The following CCDC60 variants were observed in gnomAD, a reference collection of about 807,000 sequenced individuals.
CCDC60 encodes coiled-coil domain containing 60.
CCDC60 carries 54 observed loss-of-function variants against 63.5 expected under a neutral mutation model. The observed-to-expected ratio is 0.85, with a 90% CI of 0.68 to 1.07. The LOEUF (loss-of-function observed/expected upper bound fraction) is 1.07, where lower values mean the gene tolerates loss of function less well. Among genes scored for constraint, CCDC60 ranks in the 50% least tolerant of loss-of-function variants. The probability of loss-of-function intolerance (pLI) is 0.00; values close to 1 mark genes in which losing one functional copy is unlikely to be tolerated. For missense variants in CCDC60, 651 were observed against 684.3 expected (o/e 0.95, Z 0.54); for synonymous variants, 206 against 238.8 (o/e 0.86, Z 1.27).
At chr12:119,443,637 A>G (rs959861521) in intron 2 of CCDC60, among the ~76,000 whole-genome samples, 1 of 152,232 alleles carries the variant, frequency 6.6e-6, no homozygotes, top group Admixed American at 6.5e-5. Flanking sequence ...TTACAAATAT[A>G]TTTCAACAGG....
intron 1 of CCDC60, among the ~76,000 whole-genome samples, chr12:119,343,281 A>C (rs1955550366): frequency 6.6e-6 from 1 of 152,140 alleles, no homozygotes; most frequent in Admixed American, 6.5e-5. Context: ...AGTTTTATTT[A>C]ATAACTTGAA....
At chr12:119,440,076 G>A (rs1162220622) in intron 2 of CCDC60, among the ~76,000 whole-genome samples, 3 of 151,874 alleles carry the variant, frequency 2.0e-5, no homozygotes, top group Middle Eastern at 3.2e-3. Flanking sequence ...GTGGGGGGCC[G>A]GGGATGGAGA....
At chr12:119,449,248 G>A (rs544538581) in intron 2 of CCDC60, among the ~76,000 whole-genome samples, 2 of 152,276 alleles carry the variant, frequency 1.3e-5, no homozygotes, top group African/African-American at 4.8e-5. Flanking sequence ...CCTTTGGGGG[G>A]TTTAAACACC....
rs767959370 is a variant in CCDC60, at chr12:119,540,623, G to A, written c.1561G>A (p.Glu521Lys). 1 of 1,613,382 alleles carries A rather than the reference G, an allele frequency of 6.2e-7. No individual in the cohort carries two copies. The highest frequency in any genetic ancestry group is 2.2e-5 in the East Asian group (1 of 44,882). Residue 521 changes from glutamate to lysine, a missense_variant, in exon 14 of 14, where the codon GAA becomes AAA. Transcript: ENST00000327554. ...DIAVAIEFVR[E>K]HIIHMPQEDY... ...TATGTCTGCCTCACAGTTTGTGCGA[G>A]AACACATCATCCATATGCCTCAAGA...
chr12:119,349,899 C>T (rs1251191625), intron 1 of CCDC60, among the ~76,000 whole-genome samples: 2 of 152,262 alleles, frequency 1.3e-5, no homozygotes, highest in East Asian at 3.9e-4. Flanking sequence ...TTCTCTGGAG[C>T]CTGCATAAAA....
intron 1 of CCDC60, among the ~76,000 whole-genome samples, chr12:119,406,589 C>A (rs1376362841): frequency 6.6e-6 from 1 of 151,420 alleles, no homozygotes; most frequent in Non-Finnish European, 1.5e-5. Context: ...GAGAAAACAG[C>A]ATTTACAATG....
chr12:119,419,970 G>A (rs947078911), intron 1 of CCDC60, among the ~76,000 whole-genome samples: 16 of 144,566 alleles, frequency 1.1e-4, no homozygotes, highest in African/African-American at 3.1e-4. Flanking sequence ...TCCGCCTCCT[G>A]GGTTCACGCC....
rs187033205 is a variant in CCDC60, at chr12:119,491,429, C to T, written c.557+2563C>T. On this transcript the variant is annotated intron_variant, in intron 5 of 13. Coordinates refer to ENST00000327554, the MANE Select transcript of CCDC60 (RefSeq NM_178499.5). ...CTGCAACCTCCGCCTCCTGGGTTCACGCCATTCTCCTGCCTCAGCCTCCTG... is the reference window on the plus strand; with the variant it reads ...CTGCAACCTCCGCCTCCTGGGTTCATGCCATTCTCCTGCCTCAGCCTCCTG... Among the ~76,000 whole-genome samples, 47 of 152,156 alleles carry T rather than the reference C, an allele frequency of 3.1e-4. No homozygotes were observed. In the East Asian group the frequency reaches 7.9e-3, roughly 26 times the overall value.
intron 7 of CCDC60, among the ~76,000 whole-genome samples, chr12:119,514,284 T>A (rs537149972): frequency 6.6e-6 from 1 of 152,066 alleles, no homozygotes; most frequent in South Asian, 2.1e-4. Flanking sequence ...TTAGGTGATT[T>A]TCCTGCCTCA....
rs1368891320 is a variant in CCDC60, at chr12:119,507,441, CACATATATATACATATATACACAT to C, written c.883+2164_883+2187del. ...ATATATATATACGTGTATATATATA[CACATATATATACATATATACACAT>C]ACATATATATACATATATACACATA... On this transcript the variant is annotated intron_variant, in intron 7 of 13. Coordinates refer to ENST00000327554, the MANE Select transcript of CCDC60 (RefSeq NM_178499.5). Among the ~76,000 whole-genome samples the C allele has an allele frequency of 3.7e-4, 54 of 146,500 alleles. 1 individual carries two copies. Among genetic ancestry groups the C allele is most frequent in the Admixed American group, 3.5e-3 (50 of 14,446 alleles).
At chr12:119,411,727 A>G (rs999465631) in intron 1 of CCDC60, among the ~76,000 whole-genome samples, 7 of 152,090 alleles carry the variant, frequency 4.6e-5, no homozygotes, top group African/African-American at 1.7e-4. Flanking sequence ...AGGTGGAAAG[A>G]AAGTCAGAGA....
intron 7 of CCDC60, among the ~76,000 whole-genome samples, chr12:119,506,923 A>G (rs2136435439): frequency 6.6e-6 from 1 of 152,306 alleles, no homozygotes; most frequent in Admixed American, 6.5e-5. Context: ...TAGAAAGAAG[A>G]GAGGGTAAGA....
chr12:119,523,000 AAGT>A lies in CCDC60; in HGVS notation c.1103+1_1103+3del, dbSNP rs1952571735. The A allele has an allele frequency of 1.2e-6, 2 of 1,613,986 alleles. No homozygotes were observed. Among genetic ancestry groups the A allele is most frequent in the Non-Finnish European group, 1.7e-6 (2 of 1,179,956 alleles). On this transcript the variant is annotated splice_donor_variant and coding_sequence_variant, in exon 10 of 14. Transcript: ENST00000327554. LOFTEE classifies it high-confidence loss of function. ...CCAACCAGTCCAGAAGAAGTCTAAA[AAGT>A]AAGCCAGGAGGGCAATGGAAGGAAC...
At chr12:119,512,169 G>A (rs186953580) in intron 7 of CCDC60, among the ~76,000 whole-genome samples, 70 of 152,178 alleles carry the variant, frequency 4.6e-4, no homozygotes, top group Non-Finnish European at 6.9e-4. Context: ...TGGGCTTCAC[G>A]CTTCCCTTCC....
chr12:119,534,476 G>A (rs1006846853), intron 13 of CCDC60, among the ~76,000 whole-genome samples: 1 of 152,116 alleles, frequency 6.6e-6, no homozygotes, highest in Admixed American at 6.5e-5. Context: ...GTGAGAGACG[G>A]CATCCCTGTC....
intron 1 of CCDC60, among the ~76,000 whole-genome samples, chr12:119,418,695 G>A (rs571250910): frequency 2.9e-4 from 44 of 152,086 alleles, no homozygotes; most frequent in South Asian, 2.1e-3. Context: ...GATTACAGGC[G>A]TGAGCCCCAA....
chr12:119,340,529 C>T (rs12314123), intron 1 of CCDC60, among the ~76,000 whole-genome samples: 1 of 152,038 alleles, frequency 6.6e-6, no homozygotes, highest in African/African-American at 2.4e-5. Flanking sequence ...GCCGCCCCAC[C>T]CCCTGCCCCC....
At position 119,456,015 on chromosome 12, in the gene CCDC60, G is replaced by GAA. The variant is rs572821351; in HGVS notation, c.171-15977_171-15976dup. On this transcript the variant is annotated intron_variant, in intron 2 of 13. Transcript: ENST00000327554. This position sits in a 1 kb window ranked among gnomAD's most constrained non-coding sequence, Gnocchi z 4.6. ...AGAGAGAGAAAGAGAAAGAAAGAAA[G>GAA]AAAGAAAGAAAGAAAGAAAGAAAGA... Among the ~76,000 whole-genome samples, 1 of 82,086 alleles carries GAA rather than the reference G, an allele frequency of 1.2e-5. No homozygotes were observed. The highest frequency in any genetic ancestry group is 2.3e-5 in the Non-Finnish European group (1 of 43,830). 53.9% of individuals were successfully genotyped at this position (82,086 alleles called of 152,430 possible).
At chr12:119,452,723 A>T (rs1442073454) in intron 2 of CCDC60, among the ~76,000 whole-genome samples, 1 of 152,204 alleles carries the variant, frequency 6.6e-6, no homozygotes, top group East Asian at 1.9e-4. Flanking sequence ...AGTAATAGTT[A>T]TTCATTCCTA....
Sources: allele counts gnomAD v4.1 joint callset (sites outside exome capture counted in the v4.1 genomes callset), GRCh38; gene constraint gnomAD v4.1.1; non-coding constraint Gnocchi (gnomAD v3.1); transcripts MANE v1.5; gene names NCBI Gene and HGNC (gene_info 2026-07-23, HGNC 2026-07-21).